The following PCDH15 variants were observed in gnomAD, a reference collection of about 807,000 sequenced individuals.
PCDH15 encodes the protein protocadherin related 15.
Under a neutral mutation model 178.5 loss-of-function variants are expected in PCDH15, and 129 were observed. The observed-to-expected ratio is 0.72, with a 90% CI of 0.63 to 0.84. The LOEUF (loss-of-function observed/expected upper bound fraction) is 0.84. Ranked by LOEUF, PCDH15 falls within the 40% of genes least tolerant of loss-of-function variation. The pLI, the probability that PCDH15 is intolerant of heterozygous loss-of-function variation, is 0.00. For synonymous variants in PCDH15, 800 were observed against 732.0 expected (o/e 1.09, Z -1.50); for missense variants, 2,230 against 2,099.9 (o/e 1.06, Z -1.21).
intron 2 of PCDH15, among the ~76,000 whole-genome samples, chr10:54,640,259 T>A (rs2093959182): frequency 6.6e-6 from 1 of 151,946 alleles, no homozygotes; most frequent in Admixed American, 6.6e-5. Context: ...TCAGAAAAAA[T>A]GTAAAAATTG....
intron 11 of PCDH15, among the ~76,000 whole-genome samples, chr10:54,193,543 C>A (rs1174336004): frequency 6.6e-6 from 1 of 152,114 alleles, no homozygotes; most frequent in African/African-American, 2.4e-5. Flanking sequence ...CTACAAAATA[C>A]ATTTGCTCAG....
At chr10:54,569,480 T>G (rs1408223878) in intron 2 of PCDH15, among the ~76,000 whole-genome samples, 1 of 152,148 alleles carries the variant, frequency 6.6e-6, no homozygotes, top group East Asian at 1.9e-4. Context: ...TTAAAATCAT[T>G]AGTACACAAA....
chr10:54,288,912 A>G (rs893604256), intron 8 of PCDH15, among the ~76,000 whole-genome samples: 2 of 152,248 alleles, frequency 1.3e-5, no homozygotes, highest in South Asian at 2.1e-4. Context: ...TACTGCCTCT[A>G]TAGACTCCAC....
chr10:54,704,347 C>T (rs1301993915), intron 1 of PCDH15, among the ~76,000 whole-genome samples: 1 of 151,994 alleles, frequency 6.6e-6, no homozygotes, highest in Non-Finnish European at 1.5e-5. Flanking sequence ...ATGAAACTAT[C>T]AAGTGTAAAC....
intron 2 of PCDH15, among the ~76,000 whole-genome samples, chr10:55,573,162 T>C (rs1232111917): frequency 2.0e-5 from 3 of 152,100 alleles, no homozygotes; most frequent in African/African-American, 7.2e-5. Flanking sequence ...GTTTCTCTAA[T>C]ATTACTTCTT....
intron 1 of PCDH15, among the ~76,000 whole-genome samples, chr10:54,676,565 G>A (rs2094793847): frequency 6.6e-6 from 1 of 152,000 alleles, no homozygotes. Context: ...AAGCATATGT[G>A]GAAATATAAA....
At chr10:54,208,813 C>T (rs944525287) in intron 10 of PCDH15, among the ~76,000 whole-genome samples, 2 of 151,796 alleles carry the variant, frequency 1.3e-5, no homozygotes, top group African/African-American at 4.8e-5. Context: ...AGAATATTTC[C>T]AGATATAGAA....
At chr10:53,823,824 C>T (rs1348907038) in intron 32 of PCDH15, 2 of 456,098 alleles carry the variant, frequency 4.4e-6, no homozygotes, top group South Asian at 3.1e-5. Context: ...AAAGTAATCT[C>T]CTCTCTGAGC....
At chr10:55,376,468 T>C (rs16907294) in intron 2 of PCDH15, among the ~76,000 whole-genome samples, 2,072 of 152,208 alleles carry the variant, frequency 0.014, 43 homozygotes, top group African/African-American at 0.046. Flanking sequence ...TTTAAAGCAA[T>C]GATTTCTTTC....
chr10:53,922,260 T>C (rs1176465767), intron 25 of PCDH15, among the ~76,000 whole-genome samples: 1 of 152,136 alleles, frequency 6.6e-6, no homozygotes, highest in Middle Eastern at 3.2e-3. Context: ...AGTATGTGCT[T>C]ATTATAATTT....
intron 2 of PCDH15, among the ~76,000 whole-genome samples, chr10:54,931,077 C>T (rs1297977291): frequency 2.0e-5 from 3 of 152,034 alleles, no homozygotes; most frequent in African/African-American, 4.8e-5. Context: ...ACTTTAGGAC[C>T]ATTTTATCAA....
chr10:54,076,774 T>A (rs1684470900), intron 17 of PCDH15, among the ~76,000 whole-genome samples: 1 of 152,082 alleles, frequency 6.6e-6, no homozygotes, highest in African/African-American at 2.4e-5. Context: ...TGACCTCTTA[T>A]CTCCATCATC....
chr10:54,539,451 T>C (rs2084952129), intron 2 of PCDH15, among the ~76,000 whole-genome samples: 1 of 152,188 alleles, frequency 6.6e-6, no homozygotes, highest in Non-Finnish European at 1.5e-5. Flanking sequence ...TATATACATA[T>C]GCAATATTAG....
chr10:55,294,673 A>G (rs1843089841), intron 1 of PCDH15, among the ~76,000 whole-genome samples: 1 of 152,192 alleles, frequency 6.6e-6, no homozygotes, highest in Non-Finnish European at 1.5e-5. Context: ...TGCATATAGG[A>G]GTCCAATGTG....
chr10:54,835,437 T>C (rs1953299255), intron 3 of PCDH15, among the ~76,000 whole-genome samples: 1 of 152,152 alleles, frequency 6.6e-6, no homozygotes, highest in South Asian at 2.1e-4. Flanking sequence ...GCACACACAG[T>C]ATTTTTTATG....
intron 2 of PCDH15, among the ~76,000 whole-genome samples, chr10:54,571,014 G>T (rs926801103): frequency 2.4e-4 from 37 of 151,894 alleles, no homozygotes; most frequent in African/African-American, 8.9e-4. Context: ...TCTTAGGTTT[G>T]ACCTTGGATT....
At chr10:54,773,005 A>G (rs1949273705) in intron 1 of PCDH15, among the ~76,000 whole-genome samples, 2 of 152,092 alleles carry the variant, frequency 1.3e-5, no homozygotes, top group African/African-American at 4.8e-5. Context: ...TCAGCAAACT[A>G]TCATAGGAAC....
At chr10:54,418,641 A>G (rs983456868) in intron 3 of PCDH15, among the ~76,000 whole-genome samples, 1 of 151,916 alleles carries the variant, frequency 6.6e-6, no homozygotes, top group Non-Finnish European at 1.5e-5. Flanking sequence ...TTTTTATTAT[A>G]TTAGTCAAAA....
intron 26 of PCDH15, among the ~76,000 whole-genome samples, chr10:53,882,267 C>T (rs2080778187): frequency 8.0e-6 from 1 of 125,642 alleles, no homozygotes; most frequent in Admixed American, 9.4e-5. Context: ...TTCCTTTCAA[C>T]CCCCACATCC....
Sources: gnomAD v4.1 joint callset for allele counts (sites outside exome capture counted in the v4.1 genomes callset) on GRCh38, gnomAD v4.1.1 for gene constraint, MANE v1.5 for transcripts, NCBI Gene and HGNC (gene_info 2026-07-23, HGNC 2026-07-21) for gene names.